FREM2: variants seen among roughly 807,000 people sequenced by gnomAD.
The protein encoded by FREM2 is FRAS1-related extracellular matrix protein 2.
FREM2 carries 119 observed loss-of-function variants against 219.9 expected under a neutral mutation model. The ratio of observed to expected loss-of-function variants is 0.54; its 90% CI spans 0.47 to 0.63. The LOEUF (loss-of-function observed/expected upper bound fraction) is 0.63, where lower values mean the gene tolerates loss of function less well. Ranked by LOEUF, FREM2 falls within the 30% of genes least tolerant of loss-of-function variation. The pLI, the probability that FREM2 is intolerant of heterozygous loss-of-function variation, is 0.00. For synonymous variants in FREM2, 1,562 were observed against 1,522.8 expected, an observed-to-expected ratio of 1.03 and a Z score of -0.60; for missense variants, 4,030 against 3,993.6, an observed-to-expected ratio of 1.01 and a Z score of -0.25.
chr13:38,769,664 A>T lies in FREM2; in HGVS notation c.5497A>T (p.Thr1833Ser). Residue 1833 changes from threonine (T) to serine (S), a missense_variant, in exon 4 of 24, where the codon ACC (threonine) becomes TCC (serine). Physicochemically the swap from Thr to Ser is moderately conservative, Grantham distance 58. Coordinates refer to ENST00000280481, the MANE Select transcript of FREM2 (RefSeq NM_207361.6). ...ACAAGTGCAGTTCAACCCAGGCCAGACCAGGGCCACATGGCGAGTGCGGAT... is the reference window on the plus strand; with the variant it reads ...ACAAGTGCAGTTCAACCCAGGCCAGTCCAGGGCCACATGGCGAGTGCGGAT... ...QKQVQFNPGQ[T>S]RATWRVRILS... 6.2e-7 allele frequency: 1 copy of T among 1,614,174 alleles called. No homozygotes were observed. The highest frequency in any genetic ancestry group is 2.2e-5 in the East Asian group (1 of 44,880).
intron 6 of FREM2, among the ~76,000 whole-genome samples, chr13:38,808,824 T>C (rs1875362521): frequency 6.6e-6 from 1 of 151,918 alleles, no homozygotes; most frequent in African/African-American, 2.4e-5. Flanking sequence ...TGAGAGCACA[T>C]GCTGTTGGAA....
At chr13:38,746,153 T>C (rs1440240385) in intron 2 of FREM2, among the ~76,000 whole-genome samples, 15 of 152,230 alleles carry the variant, frequency 9.9e-5, no homozygotes, top group Non-Finnish European at 1.5e-5. Flanking sequence ...AATTGGTCTT[T>C]AGACCACTTA....
chr13:38,715,007 G>A lies in FREM2; in HGVS notation c.5263+17220G>A, dbSNP rs146770964. On this transcript the variant is annotated intron_variant, in intron 2 of 23. Transcript: ENST00000280481. ...CTTGGGAGGCTAAGGCAAGAAAATTGCTTTAACCTGGGAGGTGGAGGTTAC... is the reference window on the plus strand; with the variant it reads ...CTTGGGAGGCTAAGGCAAGAAAATTACTTTAACCTGGGAGGTGGAGGTTAC... Among the ~76,000 whole-genome samples the A allele has an allele frequency of 9.3e-3, 1,414 of 152,168 alleles. 21 individuals are homozygous for A. Among genetic ancestry groups the A allele is most frequent in the African/African-American group, 0.032 (1,333 of 41,510 alleles).
At chr13:38,831,717 C>G (rs537130960) in intron 6 of FREM2, among the ~76,000 whole-genome samples, 39 of 151,236 alleles carry the variant, frequency 2.6e-4, no homozygotes, top group African/African-American at 9.5e-4. Flanking sequence ...TCAAGCAATC[C>G]TCCTGCCTCA....
At chr13:38,738,460 G>C (rs1176430492) in intron 2 of FREM2, among the ~76,000 whole-genome samples, 1 of 151,464 alleles carries the variant, frequency 6.6e-6, no homozygotes. Context: ...CAGCTACTTG[G>C]GAGGCTGAGG....
chr13:38,768,776 G>A (rs1873541089), intron 3 of FREM2, among the ~76,000 whole-genome samples: 1 of 152,096 alleles, frequency 6.6e-6, no homozygotes, highest in South Asian at 2.1e-4. Context: ...ACTGCTTTTG[G>A]ATAATGTACC....
rs770788791 is a variant in FREM2, at chr13:38,851,073, A to G, written c.6707A>G (p.Asn2236Ser). Residue 2236 changes from asparagine to serine, a missense_variant, in exon 10 of 24, where the codon AAT (asparagine) becomes AGT (serine). Around this residue, in one of 2 missense-constraint regions of FREM2, gnomAD observed 3,102 missense variants for 2,950.7 expected, o/e 1.05. Coordinates refer to ENST00000280481, the MANE Select transcript of FREM2 (RefSeq NM_207361.6). ...TTTGGGGCTGCAGTTGGTGAACAAAATGAAACTCTCATAAGGATCCGAGAT... is the reference window on the plus strand; with the variant it reads ...TTTGGGGCTGCAGTTGGTGAACAAAGTGAAACTCTCATAAGGATCCGAGAT... Reference protein sequence around the residue: ...SPFGAAVGEQNETLIRIRDDA... With the variant: ...SPFGAAVGEQSETLIRIRDDA... 3 of 1,614,012 alleles carry G rather than the reference A, an allele frequency of 1.9e-6. No homozygotes were observed. The highest frequency in any genetic ancestry group is 1.3e-5 in the African/African-American group (1 of 75,060).
Position 38,690,697 on chromosome 13 carries a change from T to C in FREM2, c.3353T>C (p.Ile1118Thr). 6.2e-7 allele frequency: 1 copy of C among 1,614,070 alleles called. No homozygotes were observed. Among genetic ancestry groups the C allele is most frequent in the Non-Finnish European group, 8.5e-7 (1 of 1,180,038 alleles). ...IQPTSGYVEN[I>T]SPAPGSEKSR... ...CCTACTTCAGGTTATGTTGAAAACA[T>C]TTCTCCAGCACCAGGCTCTGAGAAA... Residue 1118 changes from isoleucine to threonine, a missense_variant, in exon 1 of 24, where the codon ATT (isoleucine) becomes ACT (threonine). Physicochemically the swap from Ile to Thr is moderately conservative, Grantham distance 89. Transcript: ENST00000280481.
chr13:38,741,260 A>G (rs1432834197), intron 2 of FREM2, among the ~76,000 whole-genome samples: 1 of 152,194 alleles, frequency 6.6e-6, no homozygotes, highest in Non-Finnish European at 1.5e-5. Flanking sequence ...GTTCAGCACT[A>G]GAAGGGGTCA....
At chr13:38,719,402 G>A (rs916922611) in intron 2 of FREM2, among the ~76,000 whole-genome samples, 3 of 152,084 alleles carry the variant, frequency 2.0e-5, no homozygotes, top group East Asian at 3.9e-4. Flanking sequence ...TGTATTTTTA[G>A]TAGAGATGGG....
chr13:38,804,208 A>C (rs1345044626), intron 6 of FREM2, among the ~76,000 whole-genome samples: 1 of 151,954 alleles, frequency 6.6e-6, no homozygotes, highest in Non-Finnish European at 1.5e-5. Flanking sequence ...TAGCCTATTT[A>C]ATATAGTTGA....
intron 8 of FREM2, 114 bp from the exon 9 acceptor site, chr13:38,849,924 C>A: frequency 1.2e-6 from 1 of 848,556 alleles, no homozygotes; most frequent in South Asian, 1.4e-5. Context: ...TGAATGGAGA[C>A]AGAATCCAGT....
chr13:38,855,692 G>A (rs1159508083), intron 11 of FREM2, among the ~76,000 whole-genome samples: 1 of 152,034 alleles, frequency 6.6e-6, no homozygotes, highest in Non-Finnish European at 1.5e-5. Context: ...GGATGCAAAG[G>A]CATAACAATG....
intron 2 of FREM2, among the ~76,000 whole-genome samples, chr13:38,741,678 C>G (rs915566654): frequency 3.3e-5 from 5 of 152,048 alleles, no homozygotes; most frequent in African/African-American, 9.7e-5. Context: ...GAACTCTTAC[C>G]CTTTTGAAAG....
intron 2 of FREM2, among the ~76,000 whole-genome samples, chr13:38,717,797 T>C (rs903690505): frequency 1.3e-5 from 2 of 152,202 alleles, no homozygotes; most frequent in African/African-American, 4.8e-5. Context: ...CGATTCAAGC[T>C]TCACTTGACA....
intron 6 of FREM2, among the ~76,000 whole-genome samples, chr13:38,842,585 T>TA (rs1182266045): frequency 6.6e-6 from 1 of 152,246 alleles, no homozygotes; most frequent in Non-Finnish European, 1.5e-5. Context: ...TTAAAGCTTT[T>TA]ACTTCATTCA....
chr13:38,748,110 G>A (rs148758679), intron 2 of FREM2, among the ~76,000 whole-genome samples: 75 of 151,984 alleles, frequency 4.9e-4, no homozygotes, highest in African/African-American at 1.6e-3. Context: ...ATCTGATCCC[G>A]CATTTGACTA....
chr13:38,872,645 A>G (rs1290921711), intron 16 of FREM2, 97 bp from the exon 17 acceptor site: 3 of 977,050 alleles, frequency 3.1e-6, no homozygotes, highest in Non-Finnish European at 4.9e-6. Context: ...ATTACTCAAA[A>G]TCTTCAGTTA....
At chr13:38,704,330 G>A (rs886856258) in intron 2 of FREM2, among the ~76,000 whole-genome samples, 3 of 152,150 alleles carry the variant, frequency 2.0e-5, no homozygotes, top group Non-Finnish European at 4.4e-5. Flanking sequence ...AGAAGTAGAC[G>A]AATGAGTTAA....
Sources: gnomAD v4.1 joint callset for allele counts (sites outside exome capture counted in the v4.1 genomes callset) on GRCh38, gnomAD v4.1.1 for gene constraint, gnomAD v4.1.1 regional missense constraint, MANE v1.5 for transcripts, NCBI Gene and HGNC (gene_info 2026-07-23, HGNC 2026-07-21) for gene names.